NDUFAF2: variants seen among roughly 807,000 people sequenced by gnomAD.
The protein encoded by NDUFAF2 is NADH dehydrogenase [ubiquinone] 1 alpha subcomplex assembly factor 2.
A neutral mutation model predicts 22.8 loss-of-function variants in NDUFAF2; 13 were observed. The observed-to-expected ratio is 0.57, with a 90% confidence interval of 0.37 to 0.91. The LOEUF is 0.91. Among genes scored for constraint, NDUFAF2 ranks in the 40% least tolerant of loss-of-function variants. The probability of loss-of-function intolerance (pLI) is 0.01; values close to 1 mark genes in which losing one functional copy is unlikely to be tolerated. For missense variants in NDUFAF2, 162 were observed against 195.2 expected, an observed-to-expected ratio of 0.83 and a Z score of 1.01; for synonymous variants, 53 against 64.2, an observed-to-expected ratio of 0.83 and a Z score of 0.84.
At chr5:61,007,576 G>A (rs1305605309) in intron 1 of NDUFAF2, among the ~76,000 whole-genome samples, 1 of 152,280 alleles carries the variant, frequency 6.6e-6, no homozygotes, top group South Asian at 2.1e-4. Flanking sequence ...GGCTATCAGA[G>A]AAATGCAAAT....
intron 3 of NDUFAF2, among the ~76,000 whole-genome samples, chr5:61,119,522 A>T (rs1752951874): frequency 6.6e-6 from 1 of 152,160 alleles, no homozygotes; most frequent in African/African-American, 2.4e-5. Context: ...CAATAAAGTT[A>T]TTCTGGGATT....
chr5:60,966,942 A>C (rs931739825), intron 1 of NDUFAF2, among the ~76,000 whole-genome samples: 2 of 152,180 alleles, frequency 1.3e-5, no homozygotes, highest in South Asian at 4.1e-4. Context: ...GGTAGTATGA[A>C]TATTTAGCCA....
chr5:61,051,746 G>A (rs1752027420), intron 1 of NDUFAF2, among the ~76,000 whole-genome samples: 1 of 152,138 alleles, frequency 6.6e-6, no homozygotes, highest in Non-Finnish European at 1.5e-5. Context: ...TTCCAGAAAG[G>A]ATGTAAGATT....
intron 1 of NDUFAF2, among the ~76,000 whole-genome samples, chr5:60,979,807 A>C (rs1414598444): frequency 6.6e-6 from 1 of 152,130 alleles, no homozygotes; most frequent in African/African-American, 2.4e-5. Flanking sequence ...GAGCCCTTGG[A>C]CTTGAGAGAA....
chr5:61,002,624 CTAAAACATTGTGCAGATG>C (rs1751311447), intron 1 of NDUFAF2, among the ~76,000 whole-genome samples: 3 of 152,160 alleles, frequency 2.0e-5, no homozygotes, highest in Admixed American at 6.6e-5. Context: ...CACCAGGAGA[CTAAAACATTGTGCAGATG>C]TACAGTTGGA....
intron 1 of NDUFAF2, among the ~76,000 whole-genome samples, chr5:60,976,491 T>C (rs1282908226): frequency 1.3e-5 from 2 of 152,200 alleles, no homozygotes; most frequent in African/African-American, 4.8e-5. Flanking sequence ...TTTGTCAGTG[T>C]TTTTTAAATT....
At chr5:60,958,115 C>T (rs138490047) in intron 1 of NDUFAF2, among the ~76,000 whole-genome samples, 1 of 152,306 alleles carries the variant, frequency 6.6e-6, no homozygotes, top group African/African-American at 2.4e-5. Context: ...CCAGTCAGCA[C>T]TGCTAAGTTT....
chr5:60,975,859 C>T (rs1750895387), intron 1 of NDUFAF2, among the ~76,000 whole-genome samples: 1 of 152,060 alleles, frequency 6.6e-6, no homozygotes, highest in Non-Finnish European at 1.5e-5. Context: ...AGTTCAAGTA[C>T]GATATGCCGT....
chr5:61,098,464 C>G (rs1324139036), intron 2 of NDUFAF2, among the ~76,000 whole-genome samples: 4 of 152,248 alleles, frequency 2.6e-5, no homozygotes, highest in East Asian at 1.9e-4. Flanking sequence ...GGCTCTATCT[C>G]TGCAGCCCAT....
intron 1 of NDUFAF2, among the ~76,000 whole-genome samples, chr5:60,948,076 A>G: frequency 6.6e-6 from 1 of 152,190 alleles, no homozygotes; most frequent in Non-Finnish European, 1.5e-5. Flanking sequence ...AACACAGTCA[A>G]GAAAATTAAC....
At chr5:61,097,132 T>A (rs1485402629) in intron 2 of NDUFAF2, among the ~76,000 whole-genome samples, 2 of 152,194 alleles carry the variant, frequency 1.3e-5, no homozygotes, top group African/African-American at 4.8e-5. Context: ...CGCAGTTGAA[T>A]GTTGCTGTTT....
chr5:61,001,658 A>C (rs1751297215), intron 1 of NDUFAF2, among the ~76,000 whole-genome samples: 1 of 152,152 alleles, frequency 6.6e-6, no homozygotes, highest in Non-Finnish European at 1.5e-5. Context: ...TGGATAACTT[A>C]ATAAATAAAA....
intron 1 of NDUFAF2, among the ~76,000 whole-genome samples, chr5:60,995,762 C>T (rs553736467): frequency 6.6e-6 from 1 of 152,284 alleles, no homozygotes; most frequent in African/African-American, 2.4e-5. Context: ...TGTGTCCTTC[C>T]CTTCAGAGTG....
intron 3 of NDUFAF2, among the ~76,000 whole-genome samples, chr5:61,103,707 T>C (rs563840322): frequency 9.8e-4 from 149 of 152,278 alleles, no homozygotes; most frequent in African/African-American, 3.5e-3. Context: ...CAAAATAATG[T>C]TGTAAAAGTA....
In NDUFAF2 at chr5:61,125,416, A is replaced by G. The variant is rs1384613012; in HGVS notation, c.258+26384A>G. Among the ~76,000 whole-genome samples the G allele has an allele frequency of 6.6e-5, 10 of 152,004 alleles. No individual in the cohort carries two copies. In the Admixed American group the frequency reaches 6.6e-4, roughly 10 times the overall value. The stretch of plus-strand genomic sequence containing the variant: ...ACAGTGGCAGGCTCTGGAAGGGAGA[A>G]GTAGGTAGCTGGGCATGTGTAAGGG... On this transcript the variant is annotated intron_variant, in intron 3 of 3. Coordinates refer to ENST00000296597, the MANE Select transcript of NDUFAF2 (RefSeq NM_174889.5).
intron 1 of NDUFAF2, among the ~76,000 whole-genome samples, chr5:61,036,028 T>C (rs1326969584): frequency 6.6e-6 from 1 of 152,166 alleles, no homozygotes; most frequent in Non-Finnish European, 1.5e-5. Flanking sequence ...TTTAATCGAG[T>C]AGATCTCATT....
rs185290660 is a variant in NDUFAF2, at chr5:60,976,501, T to G, written c.127+31119T>G. Among the ~76,000 whole-genome samples, 523 of 152,290 alleles carry G rather than the reference T, an allele frequency of 3.4e-3. 14 individuals carry two copies. The highest frequency in any genetic ancestry group is 7.1e-3 in the East Asian group (37 of 5,176). ...GATATTTTGTCAGTGTTTTTTAAATTGAAGGAAATGGACCCCAAGGGGGTA... is the reference window on the plus strand; with the variant it reads ...GATATTTTGTCAGTGTTTTTTAAATGGAAGGAAATGGACCCCAAGGGGGTA... On this transcript the variant is annotated intron_variant, in intron 1 of 3. Coordinates refer to ENST00000296597, the MANE Select transcript of NDUFAF2 (RefSeq NM_174889.5).
chr5:60,974,429 A>T (rs952441366), intron 1 of NDUFAF2, among the ~76,000 whole-genome samples: 1 of 152,048 alleles, frequency 6.6e-6, no homozygotes, highest in Non-Finnish European at 1.5e-5. Flanking sequence ...CAGTTGGCTT[A>T]TTGTGGGACT....
At chr5:60,961,231 G>A (rs1427721264) in intron 1 of NDUFAF2, among the ~76,000 whole-genome samples, 3 of 152,050 alleles carry the variant, frequency 2.0e-5, no homozygotes, top group Admixed American at 6.6e-5. Context: ...AGGCCAAGGC[G>A]GGTGCATCAC....
Sources: gnomAD v4.1 joint callset for allele counts (sites outside exome capture counted in the v4.1 genomes callset) on GRCh38, gnomAD v4.1.1 for gene constraint, MANE v1.5 for transcripts, NCBI Gene and HGNC (gene_info 2026-07-23, HGNC 2026-07-21) for gene names.